PTPRD: variants seen among roughly 807,000 people sequenced by gnomAD.
PTPRD encodes receptor-type tyrosine-protein phosphatase delta.
PTPRD carries 34 observed loss-of-function variants against 214.5 expected under a neutral mutation model. That is an observed-to-expected ratio of 0.16 (90% CI 0.12 to 0.21). The LOEUF is 0.21. Ranked by LOEUF, PTPRD falls within the 10% of genes least tolerant of loss-of-function variation. PTPRD has a pLI of 1.00. For synonymous variants in PTPRD, 1,128 were observed against 845.7 expected (o/e 1.33, Z -5.79); for missense variants, 2,545 against 2,398.7 (o/e 1.06, Z -1.27).
intron 4 of PTPRD, among the ~76,000 whole-genome samples, chr9:9,962,524 G>T (rs1487118636): frequency 6.6e-6 from 1 of 151,980 alleles, no homozygotes; most frequent in African/African-American, 2.4e-5. Context: ...AAGCCATTAA[G>T]CCATTAAGCC....
At chr9:10,502,199 C>T (rs1448565249) in intron 2 of PTPRD, among the ~76,000 whole-genome samples, 1 of 151,058 alleles carries the variant, frequency 6.6e-6, no homozygotes, top group Non-Finnish European at 1.5e-5. Flanking sequence ...TTAAGGAAAA[C>T]CTATTAAAAA....
At chr9:9,499,835 AAAGAT>A (rs1386028703) in intron 8 of PTPRD, among the ~76,000 whole-genome samples, 7 of 152,120 alleles carry the variant, frequency 4.6e-5, no homozygotes. Context: ...CTCATAAATA[AAAGAT>A]AAGAGACTAA....
At chr9:9,743,593 C>G (rs2098426210) in intron 6 of PTPRD, among the ~76,000 whole-genome samples, 1 of 152,002 alleles carries the variant, frequency 6.6e-6, no homozygotes, top group South Asian at 2.1e-4. Context: ...TTGACACTAC[C>G]TGTTCACAAT....
intron 3 of PTPRD, among the ~76,000 whole-genome samples, chr9:10,103,949 T>G (rs1451044362): frequency 6.6e-6 from 1 of 151,684 alleles, no homozygotes; most frequent in East Asian, 1.9e-4. Flanking sequence ...ATAAATAAAA[T>G]GTGGTATATC....
chr9:9,967,858 A>T, intron 4 of PTPRD, among the ~76,000 whole-genome samples: 1 of 152,186 alleles, frequency 6.6e-6, no homozygotes, highest in East Asian at 1.9e-4. Flanking sequence ...GAAATAGCAA[A>T]AATTAATAGG....
At chr9:9,733,737 G>T (rs1192409366) in intron 7 of PTPRD, among the ~76,000 whole-genome samples, 2 of 151,868 alleles carry the variant, frequency 1.3e-5, no homozygotes, top group Admixed American at 1.3e-4. Context: ...AGATGAGTTG[G>T]GACATCCAGT....
chr9:10,404,412 CAA>C (rs2098327200), intron 2 of PTPRD, among the ~76,000 whole-genome samples: 1 of 151,638 alleles, frequency 6.6e-6, no homozygotes. Flanking sequence ...GAGAGATAGT[CAA>C]GAGTTATTGT....
At chr9:9,675,845 A>C (rs966741361) in intron 7 of PTPRD, among the ~76,000 whole-genome samples, 2 of 152,020 alleles carry the variant, frequency 1.3e-5, no homozygotes, top group Admixed American at 1.3e-4. Context: ...TCTTAATATA[A>C]AAACAGGCAA....
At chr9:9,776,422 A>T (rs1228472960) in intron 5 of PTPRD, among the ~76,000 whole-genome samples, 1 of 152,024 alleles carries the variant, frequency 6.6e-6, no homozygotes. Context: ...CTTCCATTAT[A>T]CTTATGAGCT....
intron 3 of PTPRD, among the ~76,000 whole-genome samples, chr9:10,283,462 A>G (rs1463127531): frequency 6.6e-6 from 1 of 152,214 alleles, no homozygotes; most frequent in African/African-American, 2.4e-5. Flanking sequence ...TAAGTTAACT[A>G]AAGATTAAAT....
chr9:9,647,674 C>T (rs1025478832), intron 7 of PTPRD, among the ~76,000 whole-genome samples: 2 of 152,174 alleles, frequency 1.3e-5, no homozygotes, highest in Non-Finnish European at 2.9e-5. Context: ...ACATGCAAGA[C>T]ATTGCAAACT....
intron 10 of PTPRD, among the ~76,000 whole-genome samples, chr9:9,175,315 T>C (rs1592934122): frequency 6.6e-6 from 1 of 152,018 alleles, no homozygotes; most frequent in East Asian, 1.9e-4. Context: ...TTGTCAATCG[T>C]ACAAAAGATA....
intron 9 of PTPRD, among the ~76,000 whole-genome samples, chr9:9,284,842 CAAT>C (rs372653029): frequency 4.0e-5 from 6 of 151,724 alleles, no homozygotes; most frequent in African/African-American, 1.4e-4. Flanking sequence ...CAAATGTGGA[CAAT>C]AATGCTTTTA....
intron 3 of PTPRD, among the ~76,000 whole-genome samples, chr9:10,290,197 G>T (rs1230065387): frequency 1.3e-5 from 2 of 152,000 alleles, no homozygotes; most frequent in Admixed American, 1.3e-4. Flanking sequence ...ATATCAGAAG[G>T]TACCCAAAAT....
intron 10 of PTPRD, among the ~76,000 whole-genome samples, chr9:9,094,463 A>G (rs1421738113): frequency 6.6e-6 from 1 of 152,140 alleles, no homozygotes; most frequent in African/African-American, 2.4e-5. Flanking sequence ...AGTGGGAGCT[A>G]AGCTAGGAGG....
intron 2 of PTPRD, among the ~76,000 whole-genome samples, chr9:10,470,409 A>C (rs1275428564): frequency 6.6e-6 from 1 of 152,182 alleles, no homozygotes; most frequent in Admixed American, 6.5e-5. Context: ...TTCAATGTCA[A>C]GTTTATAAAA....
At chr9:8,778,170 T>C (rs1228685504) in intron 11 of PTPRD, among the ~76,000 whole-genome samples, 5 of 152,238 alleles carry the variant, frequency 3.3e-5, no homozygotes, top group Admixed American at 6.5e-5. Context: ...TATGTATGTA[T>C]TCTAATTTAA....
intron 26 of PTPRD, 125 bp downstream of exon 26, chr9:8,497,117 A>G: frequency 1.2e-6 from 1 of 829,324 alleles, no homozygotes; most frequent in Non-Finnish European, 1.9e-6. Flanking sequence ...AAGATAACTT[A>G]AAAATAATTT....
chr9:9,048,901 G>C (rs2099679038), intron 10 of PTPRD, among the ~76,000 whole-genome samples: 1 of 152,116 alleles, frequency 6.6e-6, no homozygotes, highest in African/African-American at 2.4e-5. Context: ...TTGCATGTCT[G>C]TATCAAAACA....
Sources: gnomAD v4.1 joint callset for allele counts (sites outside exome capture counted in the v4.1 genomes callset) on GRCh38, gnomAD v4.1.1 for gene constraint, MANE v1.5 for transcripts, NCBI Gene and HGNC (gene_info 2026-07-23, HGNC 2026-07-21) for gene names.